PURG: variants seen among roughly 807,000 people sequenced by gnomAD.
PURG encodes purine rich element binding protein G, also known as purine-rich element-binding protein gamma.
In PURG, 3 loss-of-function variants were observed where a neutral mutation model predicts 24.3. The observed-to-expected ratio is 0.12, with a 90% CI of 0.06 to 0.32. The LOEUF (loss-of-function observed/expected upper bound fraction) is 0.32, where lower values mean the gene tolerates loss of function less well. Among genes scored for constraint, PURG ranks in the 10% least tolerant of loss-of-function variants. The pLI is 1.00. For synonymous variants in PURG, 180 were observed against 173.1 expected (o/e 1.04, Z -0.31); for missense variants, 371 against 439.1 (o/e 0.84, Z 1.39).
intron 1 of PURG, among the ~76,000 whole-genome samples, chr8:31,000,582 T>G (rs1810518430): frequency 6.6e-6 from 1 of 152,132 alleles, no homozygotes; most frequent in Admixed American, 6.6e-5. Context: ...CACCACAGGC[T>G]AAACTCTGCG....
At chr8:31,023,023 T>C (rs1357317958) in intron 1 of PURG, among the ~76,000 whole-genome samples, 1 of 152,152 alleles carries the variant, frequency 6.6e-6, no homozygotes, top group Non-Finnish European at 1.5e-5. Context: ...CTGAGGAAAG[T>C]TTCTACAAAA....
At chr8:31,012,183 C>T (rs555615343) in intron 1 of PURG, among the ~76,000 whole-genome samples, 1 of 152,162 alleles carries the variant, frequency 6.6e-6, no homozygotes, top group African/African-American at 2.4e-5. Context: ...AACTTAAATG[C>T]AAGTTAAGGA....
chr8:31,032,693 G>T lies in PURG; in HGVS notation c.90C>A (p.Leu30=). The change falls in exon 2 of 2, where the codon CTC becomes CTA. Residue 30 remains leucine, a synonymous_variant. Coordinates refer to ENST00000523392, the MANE Select transcript of PURG (RefSeq NM_001323311.2). The surrounding 1 kb of genome is among the most constrained non-coding windows in gnomAD (Gnocchi z 5.9). ...VGGSGLSKSR[L]YPQAQHSHYP... Reference sequence around the variant, plus strand: ...AGTGGGAGTGCTGGGCCTGGGGATAGAGTCTACTCTTGCTTAGGCCAGAGC... The same window carrying T: ...AGTGGGAGTGCTGGGCCTGGGGATATAGTCTACTCTTGCTTAGGCCAGAGC... 6.5e-7 allele frequency: 1 copy of T among 1,529,848 alleles called. No homozygotes were observed. Among genetic ancestry groups the T allele is most frequent in the Admixed American group, 2.1e-5 (1 of 47,088 alleles). 94.8% of individuals were successfully genotyped at this position (1,529,848 alleles called of 1,614,324 possible).
intron 1 of PURG, among the ~76,000 whole-genome samples, chr8:31,008,991 G>A (rs932521047): frequency 3.9e-5 from 6 of 152,110 alleles, no homozygotes; most frequent in African/African-American, 1.2e-4. Context: ...TTCTTCTCCC[G>A]GCAAAAGGCA....
At chr8:31,006,668 A>T (rs1810657962) in intron 1 of PURG, among the ~76,000 whole-genome samples, 1 of 152,210 alleles carries the variant, frequency 6.6e-6, no homozygotes, top group Admixed American at 6.5e-5. Context: ...AGACATCTAA[A>T]ACATGTAATT....
In PURG at chr8:31,032,551, G is replaced by C; in HGVS notation, c.232C>G (p.Gln78Glu). The C allele has an allele frequency of 2.5e-6, 4 of 1,614,188 alleles. No individual in the cohort carries two copies. Among genetic ancestry groups the C allele is most frequent in the Non-Finnish European group, 3.4e-6 (4 of 1,180,022 alleles). The change falls in exon 2 of 2, where the codon CAA becomes GAA. Residue 78 changes from glutamine to glutamate, a missense_variant. Gln to Glu is a conservative substitution (Grantham distance 29, BLOSUM62 2). Coordinates refer to ENST00000523392, the MANE Select transcript of PURG (RefSeq NM_001323311.2). This position sits in a 1 kb window ranked among gnomAD's most constrained non-coding sequence, Gnocchi z 5.9. ...TTTAGGAAGCGGCCCCGGGAGCTTT[G>C]CTTCACGTCTAGGTAAAACCTCTTT... Reference protein sequence around the residue: ...QKKRFYLDVKQSSRGRFLKIA... With the variant: ...QKKRFYLDVKESSRGRFLKIA...
At chr8:30,999,263 T>A (rs557534563) in intron 1 of PURG, among the ~76,000 whole-genome samples, 1 of 151,850 alleles carries the variant, frequency 6.6e-6, no homozygotes, top group African/African-American at 2.4e-5. Context: ...TTATGACCAA[T>A]GAAAACTAAT....
chr8:31,013,691 C>G (rs1044837677), intron 1 of PURG, among the ~76,000 whole-genome samples: 3 of 152,120 alleles, frequency 2.0e-5, no homozygotes, highest in Non-Finnish European at 4.4e-5. Flanking sequence ...GAGCCGAGGT[C>G]GCGCCACTGC....
intron 1 of PURG, among the ~76,000 whole-genome samples, chr8:31,011,674 A>G (rs1810766737): frequency 6.6e-6 from 1 of 152,202 alleles, no homozygotes; most frequent in Admixed American, 6.5e-5. Context: ...ACAAAATGAT[A>G]CTGTAATTAG....
chr8:31,015,887 C>CA (rs1396238667), intron 1 of PURG, among the ~76,000 whole-genome samples: 8 of 151,556 alleles, frequency 5.3e-5, no homozygotes, highest in South Asian at 2.1e-4. Flanking sequence ...GCTGTCATTA[C>CA]AAAAAATAAA....
At chr8:31,023,953 A>T (rs1487231876) in intron 1 of PURG, among the ~76,000 whole-genome samples, 2 of 152,242 alleles carry the variant, frequency 1.3e-5, no homozygotes, top group Non-Finnish European at 2.9e-5. Context: ...TGCCATGCAG[A>T]ATATAAAAAA....
intron 1 of PURG, among the ~76,000 whole-genome samples, chr8:30,999,749 C>A (rs1000759242): frequency 3.3e-5 from 5 of 151,946 alleles, no homozygotes; most frequent in Non-Finnish European, 7.4e-5. Flanking sequence ...CAGATTCATA[C>A]ACTTAGCACA....
chr8:31,030,649 G>GA (rs956648274), downstream of PURG, among the ~76,000 whole-genome samples: 29 of 145,804 alleles, frequency 2.0e-4, no homozygotes, highest in African/African-American at 5.8e-4. Context: ...ATTATTTTTA[G>GA]AAAAAAAAAA....
At chr8:31,026,478 T>C (rs552621033), downstream of PURG, among the ~76,000 whole-genome samples, 20 of 151,516 alleles carry the variant, frequency 1.3e-4, 1 homozygote, top group Non-Finnish European at 2.7e-4. Flanking sequence ...TGATATTTCC[T>C]TGGTATAGTT....
intron 1 of PURG, among the ~76,000 whole-genome samples, chr8:31,020,064 G>A (rs1216319264): frequency 6.6e-6 from 1 of 152,006 alleles, no homozygotes; most frequent in Non-Finnish European, 1.5e-5. Context: ...CCAGCTACTC[G>A]GGAGGCTGAG....
intron 1 of PURG, among the ~76,000 whole-genome samples, chr8:31,000,157 C>T (rs1417387934): frequency 1.3e-5 from 2 of 152,050 alleles, no homozygotes; most frequent in African/African-American, 2.4e-5. Flanking sequence ...AAATATGATG[C>T]ATGGGTTATT....
chr8:31,025,976 A>G (rs1236572418), downstream of PURG, among the ~76,000 whole-genome samples: 1 of 151,908 alleles, frequency 6.6e-6, no homozygotes, highest in Non-Finnish European at 1.5e-5. Flanking sequence ...TCAATGCTTT[A>G]AACAATCGGG....
chr8:31,022,636 A>G (rs1162302846), intron 1 of PURG, among the ~76,000 whole-genome samples: 1 of 152,232 alleles, frequency 6.6e-6, no homozygotes, highest in Non-Finnish European at 1.5e-5. Flanking sequence ...AATAGGGTAC[A>G]GTGTACAGGA....
chr8:31,008,941 C>T (rs1810710407), intron 1 of PURG, among the ~76,000 whole-genome samples: 1 of 152,092 alleles, frequency 6.6e-6, no homozygotes, highest in Admixed American at 6.5e-5. Flanking sequence ...ACTGCCATTG[C>T]TTAAGGGGGT....
Sources: allele counts gnomAD v4.1 joint callset (sites outside exome capture counted in the v4.1 genomes callset), GRCh38; gene constraint gnomAD v4.1.1; non-coding constraint Gnocchi (gnomAD v3.1); transcripts MANE v1.5; gene names NCBI Gene and HGNC (gene_info 2026-07-23, HGNC 2026-07-21).